Variants in RELN observed in about 807,000 individuals in gnomAD.
RELN encodes the protein reelin.
Under a neutral mutation model 427.6 loss-of-function variants are expected in RELN, and 108 were observed. The ratio of observed to expected loss-of-function variants is 0.25; its 90% CI spans 0.22 to 0.30. The LOEUF is 0.30. Among genes scored for constraint, RELN ranks in the 10% least tolerant of loss-of-function variants. The probability of loss-of-function intolerance (pLI) is 1.00; values close to 1 mark genes in which losing one functional copy is unlikely to be tolerated. For synonymous variants in RELN, 1,524 were observed against 1,513.4 expected (o/e 1.01, Z -0.16); for missense variants, 3,715 against 4,302.8 (o/e 0.86, Z 3.82).
Position 103,989,139 on chromosome 7 carries a change from T to C in RELN, c.218A>G (p.Glu73Gly). Residue 73 changes from glutamate (E) to glycine (G), a missense_variant, in exon 1 of 65, where the codon GAA becomes GGA. By Grantham distance (98) the Glu-to-Gly change is moderately conservative. Coordinates refer to ENST00000428762, the MANE Select transcript of RELN (RefSeq NM_005045.4). This position sits in a 1 kb window ranked among gnomAD's most constrained non-coding sequence, Gnocchi z 4.9. ...GGTGCTGCGGTACCTACCATGGTAT[T>C]CTTGTCCCGGAACGTAGTAGGTGGG... is the stretch of plus-strand genomic sequence containing the variant. ...GNPTYYVPGQ[E>G]YHVTISTSTF... 6.2e-7 allele frequency: 1 copy of C among 1,613,762 alleles called. No individual in the cohort carries two copies. Among genetic ancestry groups the C allele is most frequent in the Non-Finnish European group, 8.5e-7 (1 of 1,179,878 alleles).
chr7:103,587,633 G>A (rs1370098361), intron 28 of RELN, among the ~76,000 whole-genome samples: 4 of 151,864 alleles, frequency 2.6e-5, no homozygotes, highest in African/African-American at 9.7e-5. Flanking sequence ...CATCCAACAA[G>A]GGACCAATAT....
At chr7:103,699,317 C>G (rs1834042442) in intron 9 of RELN, among the ~76,000 whole-genome samples, 1 of 152,076 alleles carries the variant, frequency 6.6e-6, no homozygotes, top group South Asian at 2.1e-4. Context: ...GTGTACCTTA[C>G]CTTTGGGGGT....
intron 36 of RELN, 101 bp downstream of exon 36, chr7:103,561,431 T>C (rs1830638879): frequency 1.0e-6 from 1 of 961,160 alleles, no homozygotes; most frequent in Admixed American, 1.7e-5. Context: ...TTAAATATTA[T>C]GTCATTTGAA....
At chr7:103,698,321 A>G (rs1834021429) in intron 9 of RELN, among the ~76,000 whole-genome samples, 1 of 152,186 alleles carries the variant, frequency 6.6e-6, no homozygotes, top group Non-Finnish European at 1.5e-5. Flanking sequence ...AAAGGTTTAC[A>G]TGGAAAACAA....
intron 31 of RELN, among the ~76,000 whole-genome samples, 162 bp downstream of exon 31, chr7:103,572,022 G>A (rs1470323279): frequency 6.6e-6 from 1 of 152,134 alleles, no homozygotes; most frequent in Non-Finnish European, 1.5e-5. Context: ...AAATCTTAGA[G>A]ATCTTGGCTC....
chr7:103,487,942 G>A (rs910791883), intron 60 of RELN, among the ~76,000 whole-genome samples: 7 of 147,594 alleles, frequency 4.7e-5, no homozygotes, highest in Non-Finnish European at 1.0e-4. Context: ...TCAGGAGTTC[G>A]AGTCCAGCCT....
intron 43 of RELN, 74 bp from the exon 44 acceptor site, chr7:103,540,529 T>TG: frequency 2.1e-6 from 3 of 1,447,318 alleles, no homozygotes; most frequent in East Asian, 4.5e-5. Context: ...GACAAGCACA[T>TG]GGGGTAATGC....
intron 16 of RELN, among the ~76,000 whole-genome samples, chr7:103,646,914 T>A (rs991822643): frequency 6.6e-6 from 1 of 151,874 alleles, no homozygotes; most frequent in Non-Finnish European, 1.5e-5. Context: ...CTAAACAACA[T>A]GATCAAGTGG....
intron 31 of RELN, among the ~76,000 whole-genome samples, chr7:103,567,016 G>A (rs1020712369): frequency 1.4e-4 from 22 of 152,296 alleles, no homozygotes; most frequent in African/African-American, 5.3e-4. Flanking sequence ...TGATGAGTAA[G>A]TTGGTAAGGG....
chr7:103,576,133 A>C (rs2117209500), intron 28 of RELN, among the ~76,000 whole-genome samples: 1 of 152,284 alleles, frequency 6.6e-6, no homozygotes, highest in African/African-American at 2.4e-5. Context: ...TGGGAGGCTG[A>C]GGCAGGAGAA....
At position 103,875,180 on chromosome 7, in the gene RELN, T is replaced by C. The variant is rs202064272; in HGVS notation, c.338-41508A>G. ...ATGTAGGAAGCTGAAACTGGATCCC[T>C]TCCTTACACCTTATACAAAAATCAA... On this transcript the variant is annotated intron_variant, in intron 2 of 64. Coordinates refer to ENST00000428762, the MANE Select transcript of RELN (RefSeq NM_005045.4). 1.8e-3 allele frequency among the ~76,000 whole-genome samples: 265 copies of C among 147,936 alleles called. 15 individuals are homozygous for C. The East Asian group carries it at 0.051, about 28-fold the overall frequency.
At chr7:103,854,969 T>C (rs1425143204) in intron 2 of RELN, among the ~76,000 whole-genome samples, 1 of 152,234 alleles carries the variant, frequency 6.6e-6, no homozygotes, top group Non-Finnish European at 1.5e-5. Context: ...ACCAAAGAGA[T>C]GGCAAATGCA....
intron 1 of RELN, among the ~76,000 whole-genome samples, chr7:103,927,274 T>C (rs1795766599): frequency 6.6e-6 from 1 of 152,208 alleles, no homozygotes; most frequent in East Asian, 1.9e-4. Context: ...ATCTGTATGT[T>C]TATAAAAATA....
At chr7:103,701,100 A>G (rs140131253) in intron 8 of RELN, 94 bp from the exon 9 acceptor site, 1 of 787,638 alleles carries the variant, frequency 1.3e-6, no homozygotes, top group African/African-American at 1.7e-5. Flanking sequence ...TTTTTAAACT[A>G]TTAGATATTT....
At chr7:103,494,026 A>C (rs2117012852) in intron 57 of RELN, among the ~76,000 whole-genome samples, 1 of 152,264 alleles carries the variant, frequency 6.6e-6, no homozygotes, top group East Asian at 1.9e-4. Flanking sequence ...AACTCAATCA[A>C]ATATAATACC....
intron 28 of RELN, among the ~76,000 whole-genome samples, chr7:103,576,730 A>G (rs553729113): frequency 2.0e-5 from 3 of 152,040 alleles, no homozygotes; most frequent in African/African-American, 7.3e-5. Flanking sequence ...TTTCCTCTTC[A>G]TCTCTCATCT....
At chr7:103,732,485 C>T (rs199739361) in intron 6 of RELN, among the ~76,000 whole-genome samples, 1 of 151,998 alleles carries the variant, frequency 6.6e-6, no homozygotes, top group East Asian at 1.9e-4. Context: ...CATATGAATG[C>T]CATTATGATA....
chr7:103,594,455 G>A lies in RELN; in HGVS notation c.3577C>T (p.Pro1193Ser), dbSNP rs747551061. The A allele has an allele frequency of 6.2e-7, 1 of 1,614,012 alleles. No individual in the cohort carries two copies. Among genetic ancestry groups the A allele is most frequent in the Non-Finnish European group, 8.5e-7 (1 of 1,179,918 alleles). ...TGCCACCAGCGGAACCTGGTGCAAGGGGTCTTGGCAGCAGCTGGAAGCTCC... is the reference window on the plus strand; with the variant it reads ...TGCCACCAGCGGAACCTGGTGCAAGAGGTCTTGGCAGCAGCTGGAAGCTCC... ...YLELPAAAKT[P>S]CTRFRWWQPV... The change falls in exon 26 of 65, where the codon CCT (proline) becomes TCT (serine). Residue 1193 changes from proline to serine, a missense_variant. Pro to Ser is a moderately conservative substitution (Grantham distance 74). Transcript: ENST00000428762.
intron 1 of RELN, among the ~76,000 whole-genome samples, chr7:103,923,442 T>G (rs1192751376): frequency 1.3e-5 from 2 of 150,782 alleles, no homozygotes; most frequent in Non-Finnish European, 2.9e-5. Flanking sequence ...ATAATAGCAT[T>G]CCCAAACCAA....
Sources: allele counts gnomAD v4.1 joint callset (sites outside exome capture counted in the v4.1 genomes callset), GRCh38; gene constraint gnomAD v4.1.1; non-coding constraint Gnocchi (gnomAD v3.1); transcripts MANE v1.5; gene names NCBI Gene and HGNC (gene_info 2026-07-23, HGNC 2026-07-21).